GPC4: variants seen among roughly 807,000 people sequenced by gnomAD.
GPC4 encodes glypican-4.
In GPC4, 10 loss-of-function variants were observed where a neutral mutation model predicts 35.0. The ratio of observed to expected loss-of-function variants is 0.29; its 90% CI spans 0.18 to 0.48. The LOEUF (loss-of-function observed/expected upper bound fraction) is 0.48. GPC4 is among the 20% of genes least tolerant of loss of function. The probability of loss-of-function intolerance (pLI) is 0.99; values close to 1 mark genes in which losing one functional copy is unlikely to be tolerated. For missense variants in GPC4, 322 were observed against 451.3 expected (o/e 0.71, Z 2.60); for synonymous variants, 167 against 170.2 (o/e 0.98, Z 0.15).
chrX:133,304,716 G>A lies in GPC4; in HGVS notation c.1292+9C>T, dbSNP rs1268839935. 3 of 1,210,775 alleles carry A rather than the reference G, an allele frequency of 2.5e-6. No homozygotes were observed. The highest frequency in any genetic ancestry group is 3.4e-6 in the Non-Finnish European group (3 of 894,812). On this transcript the variant is annotated intron_variant, in intron 7 of 8. Coordinates refer to ENST00000370828, the MANE Select transcript of GPC4 (RefSeq NM_001448.3). ...GGAGAAACTTCAAATTCATTCAACA[G>A]ACACTAACCTGCTTTTGCCTTTCCC...
chrX:133,388,892 C>T (rs1376783092), intron 1 of GPC4, among the ~76,000 whole-genome samples: 1 of 109,688 alleles, frequency 9.1e-6, no homozygotes, highest in African/African-American at 3.3e-5. Context: ...CACACTATAA[C>T]CCCAAACTCC....
At chrX:133,386,234 CA>C (rs1297804504) in intron 1 of GPC4, among the ~76,000 whole-genome samples, 4,396 of 36,061 alleles carry the variant, frequency 0.12, 211 homozygotes, top group African/African-American at 0.27. Context: ...GACCCTGTCT[CA>C]AAAAAAAAAA....
At chrX:133,404,277 G>T (rs1442000486) in intron 1 of GPC4, among the ~76,000 whole-genome samples, 1 of 110,012 alleles carries the variant, frequency 9.1e-6, no homozygotes, top group Non-Finnish European at 1.9e-5. Context: ...GCCAGGTGTG[G>T]TGGCTCACGC....
At chrX:133,407,878 C>T (rs1389708806) in intron 1 of GPC4, among the ~76,000 whole-genome samples, 2 of 112,612 alleles carry the variant, frequency 1.8e-5, no homozygotes, top group Admixed American at 9.4e-5. Flanking sequence ...ATGTCTGGCA[C>T]ACATTTATCT....
At chrX:133,382,352 GGAGGTGGAGCTTGCAGT>G (rs2068664564) in intron 1 of GPC4, among the ~76,000 whole-genome samples, 1 of 102,669 alleles carries the variant, frequency 9.7e-6, no homozygotes, top group Non-Finnish European at 2.0e-5. Flanking sequence ...CGTGAACCCA[GGAGGTGGAGCTTGCAGT>G]GAGCTAAGAT....
At chrX:133,412,762 A>G (rs771562447) in intron 1 of GPC4, among the ~76,000 whole-genome samples, 1 of 111,670 alleles carries the variant, frequency 9.0e-6, no homozygotes, top group African/African-American at 3.3e-5. Context: ...GGGAACACCT[A>G]GCACAGAGTC....
chrX:133,384,839 G>A (rs1434251370), intron 1 of GPC4, among the ~76,000 whole-genome samples: 1 of 111,501 alleles, frequency 9.0e-6, no homozygotes, highest in Non-Finnish European at 1.9e-5. Flanking sequence ...AAGAGTATCT[G>A]TGCTAGCTGT....
chrX:133,404,788 G>A (rs2068779772), intron 1 of GPC4, among the ~76,000 whole-genome samples: 1 of 102,310 alleles, frequency 9.8e-6, no homozygotes, highest in Non-Finnish European at 1.9e-5. Context: ...GGTGGCAGAG[G>A]TTGCAGTGAG....
intron 1 of GPC4, among the ~76,000 whole-genome samples, chrX:133,398,008 G>A (rs2068752061): frequency 8.9e-6 from 1 of 112,222 alleles, no homozygotes. Context: ...AAGCTGCTGT[G>A]AGCTGAGATT....
chrX:133,396,621 C>A (rs1460186714), intron 1 of GPC4, among the ~76,000 whole-genome samples: 1 of 111,736 alleles, frequency 8.9e-6, no homozygotes, highest in Admixed American at 9.6e-5. Flanking sequence ...AGAAGAAAAA[C>A]AAATATCCTG....
intron 1 of GPC4, among the ~76,000 whole-genome samples, chrX:133,367,905 G>A (rs1049600386): frequency 9.0e-6 from 1 of 111,297 alleles, no homozygotes; most frequent in Non-Finnish European, 1.9e-5. Flanking sequence ...TGCTAGGACA[G>A]CAGGTGTAAA....
chrX:133,339,160 T>C (rs1220888121), intron 2 of GPC4, 23 bp downstream of exon 2: 2 of 1,207,876 alleles, frequency 1.7e-6, no homozygotes, highest in East Asian at 3.0e-5. Context: ...TGCCGGTTCT[T>C]ACATATGACT....
intron 1 of GPC4, among the ~76,000 whole-genome samples, chrX:133,378,876 G>C (rs1569353034): frequency 1.8e-5 from 2 of 111,771 alleles, no homozygotes; most frequent in Non-Finnish European, 3.8e-5. Flanking sequence ...TCTGTTGTTG[G>C]CTGGAGGTGT....
intron 1 of GPC4, among the ~76,000 whole-genome samples, chrX:133,369,232 A>G (rs1381874851): frequency 9.0e-6 from 1 of 111,666 alleles, no homozygotes; most frequent in Non-Finnish European, 1.9e-5. Context: ...GTGCCCTTTA[A>G]AAACTAGTAT....
At chrX:133,372,679 A>G (rs922328803) in intron 1 of GPC4, among the ~76,000 whole-genome samples, 2 of 112,221 alleles carry the variant, frequency 1.8e-5, no homozygotes, top group African/African-American at 6.5e-5. Flanking sequence ...CGTGTCTTAC[A>G]AAGTGCTGCA....
chrX:133,404,221 T>C (rs2068777061), intron 1 of GPC4, among the ~76,000 whole-genome samples: 1 of 111,142 alleles, frequency 9.0e-6, no homozygotes, highest in Non-Finnish European at 1.9e-5. Context: ...AGAAACTAAG[T>C]TGAACCTAGA....
intron 1 of GPC4, among the ~76,000 whole-genome samples, chrX:133,372,620 T>C (rs1428983075): frequency 8.9e-6 from 1 of 111,831 alleles, no homozygotes; most frequent in African/African-American, 3.3e-5. Context: ...TTTGATAAGG[T>C]CTCTGGTACA....
intron 1 of GPC4, among the ~76,000 whole-genome samples, chrX:133,383,612 G>C (rs2068673647): frequency 9.0e-6 from 1 of 111,228 alleles, no homozygotes; most frequent in South Asian, 3.9e-4. Context: ...TTGGGAGGTG[G>C]AGGCAGGCGG....
Position 133,311,827 on chromosome X carries a change from A to C in GPC4, c.712-404T>G, listed in dbSNP as rs759131901. On this transcript the variant is annotated intron_variant, in intron 3 of 8. Coordinates refer to ENST00000370828, the MANE Select transcript of GPC4 (RefSeq NM_001448.3). ...TGTGCCCACCATGCACGTCCTGCTA[A>C]TAGCCTCAACCATCAGTGTTTGTCT... 2.7e-5 allele frequency among the ~76,000 whole-genome samples: 3 copies of C among 111,855 alleles called. No individual in the cohort carries two copies. In the South Asian group the frequency reaches 1.1e-3, roughly 42 times the overall value.
Sources: gnomAD v4.1 joint callset for allele counts (sites outside exome capture counted in the v4.1 genomes callset) on GRCh38, gnomAD v4.1.1 for gene constraint, MANE v1.5 for transcripts, NCBI Gene and HGNC (gene_info 2026-07-23, HGNC 2026-07-21) for gene names.